NCS1: variants seen among roughly 807,000 people sequenced by gnomAD.
The protein encoded by NCS1 is frequenin homolog.
NCS1 carries 6 observed loss-of-function variants against 28.4 expected under a neutral mutation model. The observed-to-expected ratio is 0.21, with a 90% CI of 0.12 to 0.42. The LOEUF (loss-of-function observed/expected upper bound fraction) is 0.42. NCS1 is among the 10% of genes least tolerant of loss of function. The pLI is 1.00. For missense variants in NCS1, 131 were observed against 241.4 expected, an observed-to-expected ratio of 0.54 and a Z score of 3.03; for synonymous variants, 86 against 99.3, an observed-to-expected ratio of 0.87 and a Z score of 0.79.
chr9:130,227,419 G>C (rs1219752520), intron 7 of NCS1, among the ~76,000 whole-genome samples: 2 of 152,198 alleles, frequency 1.3e-5, no homozygotes, highest in Non-Finnish European at 2.9e-5. Context: ...GTATATGTAA[G>C]GGTAGAATTG....
In NCS1 at chr9:130,172,908, G is replaced by T. The variant is rs1176590599; in HGVS notation, c.64+181G>T. Among the ~76,000 whole-genome samples, 6 of 150,674 alleles carry T rather than the reference G, an allele frequency of 4.0e-5. No individual in the cohort carries two copies. The East Asian group carries it at 1.0e-3, about 25-fold the overall frequency. On this transcript the variant is annotated intron_variant, in intron 1 of 7. Transcript: ENST00000372398. ...CGGGCCGCGCCCCTGCCCCCCGCCCGGCCCCATTGTTCTGGCACCCCCAGC... is the reference window on the plus strand; with the variant it reads ...CGGGCCGCGCCCCTGCCCCCCGCCCTGCCCCATTGTTCTGGCACCCCCAGC...
At position 130,209,693 on chromosome 9, in the gene NCS1, T is replaced by A. The variant is rs572342724; in HGVS notation, c.90-8139T>A. 6.6e-6 allele frequency among the ~76,000 whole-genome samples: 1 copy of A among 152,234 alleles called. No individual in the cohort carries two copies. The highest frequency in any genetic ancestry group is 1.5e-5 in the Non-Finnish European group (1 of 68,024). ...GCTGGCGTGGGAACTGTTTTGCAAG[T>A]GGTAGTCAGCTTTCAGGATTTTTAT... On this transcript the variant is annotated intron_variant, in intron 2 of 7. Transcript: ENST00000372398. The surrounding 1 kb of genome is among the most constrained non-coding windows in gnomAD (Gnocchi z 4.4).
At position 130,233,789 on chromosome 9, in the gene NCS1, CA is replaced by C. The variant is rs1244246758; in HGVS notation, c.*825del. 7.8e-4 allele frequency: 119 copies of C among 151,736 alleles called. No individual in the cohort carries two copies. The highest frequency in any genetic ancestry group is 7.8e-4 in the Non-Finnish European group (53 of 67,828). 9.4% of individuals were successfully genotyped at this position (151,736 alleles called of 1,614,324 possible). On this transcript the variant is annotated 3_prime_UTR_variant, in exon 8 of 8. Transcript: ENST00000372398. The surrounding 1 kb of genome is among the most constrained non-coding windows in gnomAD (Gnocchi z 4.8). ...TGGTGGCCTGCAGCGGCCAAGAAGC[CA>C]AAAAAAATTTTTTTTTTTTCAGATA...
At position 130,234,955 on chromosome 9, in the gene NCS1, C is replaced by T. The variant is rs1554912731; in HGVS notation, c.*1983C>T. 6.6e-6 allele frequency: 1 copy of T among 152,254 alleles called. No homozygotes were observed. The highest frequency in any genetic ancestry group is 1.5e-5 in the Non-Finnish European group (1 of 68,102). The allele number at this position is 152,254 out of a possible 1,614,324, so 9.4% of individuals were successfully genotyped here. On this transcript the variant is annotated 3_prime_UTR_variant, in exon 8 of 8. Coordinates refer to ENST00000372398, the MANE Select transcript of NCS1 (RefSeq NM_014286.4). The surrounding 1 kb of genome is among the most constrained non-coding windows in gnomAD (Gnocchi z 6.1). ...GGGACACTTTGGTCCTCGGTTCCCA[C>T]CCTCAGCAAGCAGGCCTCCAGCCCG...
In NCS1 at chr9:130,235,443, G is replaced by A. The variant is rs540382804; in HGVS notation, c.*2471G>A. 5 of 152,664 alleles carry A rather than the reference G, an allele frequency of 3.3e-5. No homozygotes were observed. In the East Asian group the frequency reaches 7.7e-4, roughly 24 times the overall value. 9.5% of individuals were successfully genotyped at this position (152,664 alleles called of 1,614,324 possible). A position where few individuals can be genotyped will look rare whatever the true frequency, so the allele number is the denominator to read the frequency against. ...TGGGACTGACACTGTTGTACAACCTGACCTGTGGCTGAGGGTGTCTGGGCT... is the reference window on the plus strand; with the variant it reads ...TGGGACTGACACTGTTGTACAACCTAACCTGTGGCTGAGGGTGTCTGGGCT... On this transcript the variant is annotated 3_prime_UTR_variant, in exon 8 of 8. Transcript: ENST00000372398.
At chr9:130,200,011 C>T (rs1483075479) in intron 1 of NCS1, among the ~76,000 whole-genome samples, 5 of 152,208 alleles carry the variant, frequency 3.3e-5, no homozygotes, top group East Asian at 1.9e-4. Flanking sequence ...CATTCTTTGA[C>T]GCCAGGCCTG....
In NCS1 at chr9:130,172,657, G is replaced by A; in HGVS notation, c.-7G>A. On this transcript the variant is annotated 5_prime_UTR_variant, in exon 1 of 8. Coordinates refer to ENST00000372398, the MANE Select transcript of NCS1 (RefSeq NM_014286.4). Reference sequence around the variant, plus strand: ...GCCCGGGGGGGCGGGGGCCGCGGCCGCCGAGGATGGGGAAATCCAACAGCA... The same window carrying A: ...GCCCGGGGGGGCGGGGGCCGCGGCCACCGAGGATGGGGAAATCCAACAGCA... 3 of 1,457,804 alleles carry A rather than the reference G, an allele frequency of 2.1e-6. No homozygotes were observed. Among genetic ancestry groups the A allele is most frequent in the Admixed American group, 2.1e-5 (1 of 47,446 alleles). 90.3% of individuals were successfully genotyped at this position (1,457,804 alleles called of 1,614,324 possible). A position where few individuals can be genotyped will look rare whatever the true frequency, so the allele number is the denominator to read the frequency against.
At chr9:130,198,766 G>A (rs1226342774) in intron 1 of NCS1, among the ~76,000 whole-genome samples, 2 of 152,180 alleles carry the variant, frequency 1.3e-5, no homozygotes, top group Non-Finnish European at 2.9e-5. Flanking sequence ...GCCCTGTGGG[G>A]CCGGATTTGA....
At chr9:130,200,619 T>G (rs912943568) in intron 1 of NCS1, 137 of 1,551,650 alleles carry the variant, frequency 8.8e-5, no homozygotes, top group Non-Finnish European at 1.2e-4. Flanking sequence ...CGAGTAAGTC[T>G]TAGATGTTGG....
At chr9:130,185,947 C>G (rs1588110249) in intron 1 of NCS1, among the ~76,000 whole-genome samples, 1 of 152,250 alleles carries the variant, frequency 6.6e-6, no homozygotes, top group East Asian at 1.9e-4. Context: ...CTGAGCGAAG[C>G]CTGCCTAGGT....
chr9:130,225,209 G>A (rs1179424588), intron 6 of NCS1, among the ~76,000 whole-genome samples: 8 of 152,160 alleles, frequency 5.3e-5, no homozygotes, highest in African/African-American at 1.9e-4. Flanking sequence ...CAATCGATCA[G>A]TCAATCATAG....
chr9:130,191,307 C>T lies in NCS1; in HGVS notation c.65-9651C>T, dbSNP rs1192305027. 1.3e-5 allele frequency among the ~76,000 whole-genome samples: 2 copies of T among 152,114 alleles called. No homozygotes were observed. Among genetic ancestry groups the T allele is most frequent in the Non-Finnish European group, 2.9e-5 (2 of 68,010 alleles). ...GGGTGCAGAGCGGTGAAGAGCAGCT[C>T]CCGGGAGCTGGGGCTGAAGGTTACC... On this transcript the variant is annotated intron_variant, in intron 1 of 7. Transcript: ENST00000372398. This position sits in a 1 kb window ranked among gnomAD's most constrained non-coding sequence, Gnocchi z 6.4.
chr9:130,237,180 G>A lies in NCS1; in HGVS notation c.*4208G>A, dbSNP rs545453835. On this transcript the variant is annotated 3_prime_UTR_variant, in exon 8 of 8. Transcript: ENST00000372398. ...GAACCTGCCGGTGTGTGTCTCTGGG[G>A]CCAGGGTCAGGGCGAGGCCCAGGGG... 28 of 152,316 alleles carry A rather than the reference G, an allele frequency of 1.8e-4. No homozygotes were observed. Among genetic ancestry groups the A allele is most frequent in the African/African-American group, 6.0e-4 (25 of 41,534 alleles). The allele number at this position is 152,316 out of a possible 1,614,324, so 9.4% of individuals were successfully genotyped here.
At position 130,219,236 on chromosome 9, in the gene NCS1, C is replaced by G. The variant is rs1381205426; in HGVS notation, c.229-489C>G. The stretch of plus-strand genomic sequence containing the variant: ...CCATCCCCAGCTTCTCCCAGGTGCC[C>G]CCAGGCTGGGAGTCACATGCCTGAC... On this transcript the variant is annotated intron_variant, in intron 3 of 7. Transcript: ENST00000372398. This position sits in a 1 kb window ranked among gnomAD's most constrained non-coding sequence, Gnocchi z 5.7. Among the ~76,000 whole-genome samples the G allele has an allele frequency of 6.6e-6, 1 of 152,126 alleles. No homozygotes were observed. The highest frequency in any genetic ancestry group is 1.5e-5 in the Non-Finnish European group (1 of 68,018).
At chr9:130,217,784 G>T in intron 2 of NCS1, 48 bp from the exon 3 acceptor site, 1 of 1,613,292 alleles carries the variant, frequency 6.2e-7, no homozygotes, top group Non-Finnish European at 8.5e-7. Flanking sequence ...GTGGGTGGGT[G>T]ATGTTGGCGT....
intron 2 of NCS1, among the ~76,000 whole-genome samples, chr9:130,202,353 C>T (rs1215371564): frequency 1.3e-4 from 19 of 144,318 alleles, no homozygotes; most frequent in African/African-American, 4.6e-4. Flanking sequence ...CCCTCCCCCC[C>T]ACCCCCTGAA....
At chr9:130,196,473 TCACGC>T (rs1832879465) in intron 1 of NCS1, among the ~76,000 whole-genome samples, 1 of 152,202 alleles carries the variant, frequency 6.6e-6, no homozygotes, top group African/African-American at 2.4e-5. Context: ...GCGCGGCGTC[TCACGC>T]CTGTAACCCC....
chr9:130,174,973 G>A (rs1387404990), intron 1 of NCS1, among the ~76,000 whole-genome samples: 1 of 152,112 alleles, frequency 6.6e-6, no homozygotes, highest in African/African-American at 2.4e-5. Flanking sequence ...TGGCCCTTGT[G>A]GTGCTGGGCT....
At position 130,190,199 on chromosome 9, in the gene NCS1, A is replaced by G. The variant is rs555836279; in HGVS notation, c.65-10759A>G. On this transcript the variant is annotated intron_variant, in intron 1 of 7. Coordinates refer to ENST00000372398, the MANE Select transcript of NCS1 (RefSeq NM_014286.4). ...ACATGCATTCTGTGAGAACACACAT[A>G]CATTGAGCACCTACTATGTGCCAGA... Among the ~76,000 whole-genome samples the G allele has an allele frequency of 2.0e-5, 3 of 152,236 alleles. No homozygotes were observed. In the East Asian group the frequency reaches 5.8e-4, roughly 29 times the overall value.
Sources: gnomAD v4.1 joint callset for allele counts (sites outside exome capture counted in the v4.1 genomes callset) on GRCh38, gnomAD v4.1.1 for gene constraint, Gnocchi (gnomAD v3.1) non-coding constraint, MANE v1.5 for transcripts, NCBI Gene and HGNC (gene_info 2026-07-23, HGNC 2026-07-21) for gene names.